PSMD14: variants seen among roughly 807,000 people sequenced by gnomAD.
The protein encoded by PSMD14 is ubiquitin C-terminal hydrolase PSMD14.
A neutral mutation model predicts 41.2 loss-of-function variants in PSMD14; 7 were observed. The observed-to-expected ratio is 0.17, with a 90% confidence interval of 0.10 to 0.32. The LOEUF (loss-of-function observed/expected upper bound fraction) is 0.32. Ranked by LOEUF, PSMD14 falls within the 10% of genes least tolerant of loss-of-function variation. The pLI is 1.00. For synonymous variants in PSMD14, 114 were observed against 122.3 expected, an observed-to-expected ratio of 0.93 and a Z score of 0.45; for missense variants, 139 against 375.6, an observed-to-expected ratio of 0.37 and a Z score of 5.21.
chr2:161,403,934 G>A (rs902287296), intron 10 of PSMD14, among the ~76,000 whole-genome samples: 6 of 151,276 alleles, frequency 4.0e-5, no homozygotes, highest in African/African-American at 1.5e-4. Flanking sequence ...AAGGGACCAG[G>A]TCTTGCTCTG....
chr2:161,309,789 A>G (rs896084175), intron 1 of PSMD14, among the ~76,000 whole-genome samples: 2 of 152,018 alleles, frequency 1.3e-5, no homozygotes, highest in Non-Finnish European at 2.9e-5. Context: ...TTGATGCTTC[A>G]CCTGTTGACT....
At chr2:161,338,115 T>C (rs1682894299) in intron 3 of PSMD14, among the ~76,000 whole-genome samples, 1 of 152,228 alleles carries the variant, frequency 6.6e-6, no homozygotes, top group Admixed American at 6.5e-5. Flanking sequence ...GATGAAGGTC[T>C]CCAAGCACAT....
intron 3 of PSMD14, among the ~76,000 whole-genome samples, chr2:161,343,879 A>G (rs372942616): frequency 1.3e-5 from 2 of 152,100 alleles, no homozygotes; most frequent in East Asian, 1.9e-4. Flanking sequence ...TTTTGGGTAT[A>G]TAGGTAGCCC....
chr2:161,371,226 T>C lies in PSMD14; in HGVS notation c.366T>C (p.Leu122=). The C allele has an allele frequency of 1.2e-6, 2 of 1,612,768 alleles. No individual in the cohort carries two copies. Among genetic ancestry groups the C allele is most frequent in the African/African-American group, 1.3e-5 (1 of 75,002 alleles). Residue 122 remains leucine, a synonymous_variant, in exon 7 of 12, where the codon CTT becomes CTC. Transcript: ENST00000409682. ...YHSHPGFGCW[L]SGVDINTQQS... The stretch of plus-strand genomic sequence containing the variant: ...GTCACCCTGGCTTTGGTTGTTGGCT[T>C]TCTGGTGTGGATATCAACACTCAGC...
intron 10 of PSMD14, among the ~76,000 whole-genome samples, chr2:161,399,137 T>G (rs558894871): frequency 6.6e-6 from 1 of 152,234 alleles, no homozygotes; most frequent in South Asian, 2.1e-4. Flanking sequence ...GTGTATGACC[T>G]TTGTGAAGAA....
At chr2:161,340,565 T>C (rs1682937322) in intron 3 of PSMD14, among the ~76,000 whole-genome samples, 1 of 152,096 alleles carries the variant, frequency 6.6e-6, no homozygotes, top group Non-Finnish European at 1.5e-5. Context: ...TTAAAACTCT[T>C]CAGCTTAACA....
At chr2:161,340,824 G>T in intron 3 of PSMD14, 1 of 1,613,982 alleles carries the variant, frequency 6.2e-7, no homozygotes, top group Non-Finnish European at 8.5e-7. Context: ...TTATTCTTCA[G>T]TTCTCTGCTC....
chr2:161,399,988 A>G (rs1574142476), intron 10 of PSMD14, among the ~76,000 whole-genome samples: 1 of 152,168 alleles, frequency 6.6e-6, no homozygotes, highest in South Asian at 2.1e-4. Flanking sequence ...TTTCAAAAGT[A>G]TCTCTATCTT....
Position 161,329,110 on chromosome 2 carries a change from G to C in PSMD14, c.48+10237G>C, listed in dbSNP as rs534790485. Among the ~76,000 whole-genome samples the C allele has an allele frequency of 2.4e-4, 37 of 152,240 alleles. No homozygotes were observed. The South Asian group carries it at 5.8e-3, about 24-fold the overall frequency. ...AGGGCCCTGTAGAAAATTCTCTTCT[G>C]AGTGAGTTGGGAAGCTATTAGAGAT... On this transcript the variant is annotated intron_variant, in intron 3 of 11. Transcript: ENST00000409682.
At chr2:161,383,057 T>C (rs916513907) in intron 7 of PSMD14, 1 of 151,556 alleles carries the variant, frequency 6.6e-6, no homozygotes, top group Non-Finnish European at 1.5e-5. Flanking sequence ...TTTTTTTTTT[T>C]AATCTTACGG....
chr2:161,310,906 A>C (rs1293135087), intron 1 of PSMD14, among the ~76,000 whole-genome samples: 4 of 152,206 alleles, frequency 2.6e-5, no homozygotes, highest in Admixed American at 1.3e-4. Flanking sequence ...CCGATAGATT[A>C]TAAATTCTCT....
chr2:161,345,365 C>T (rs1683026066), intron 3 of PSMD14, among the ~76,000 whole-genome samples: 1 of 151,464 alleles, frequency 6.6e-6, no homozygotes, highest in Non-Finnish European at 1.5e-5. Flanking sequence ...ACCTCACCCT[C>T]CTGAGTAGCT....
intron 3 of PSMD14, among the ~76,000 whole-genome samples, chr2:161,356,837 T>C (rs1683206226): frequency 6.6e-6 from 1 of 151,810 alleles, no homozygotes; most frequent in Non-Finnish European, 1.5e-5. Context: ...TTTAGATATT[T>C]TTGGAATGTT....
intron 3 of PSMD14, among the ~76,000 whole-genome samples, chr2:161,326,560 C>A (rs1417280387): frequency 6.6e-6 from 1 of 152,032 alleles, no homozygotes; most frequent in Non-Finnish European, 1.5e-5. Flanking sequence ...GGGTATGTGC[C>A]CAAAATAATT....
Position 161,323,196 on chromosome 2 carries a change from A to C in PSMD14, c.48+4323A>C, listed in dbSNP as rs370564892. ...CTGTACTGGAATTTTTTAAACTGCC[A>C]AGTCTATTGGCCTATTTTTAGTTCT... On this transcript the variant is annotated intron_variant, in intron 3 of 11. Transcript: ENST00000409682. 3.6e-3 allele frequency among the ~76,000 whole-genome samples: 555 copies of C among 152,322 alleles called. 4 individuals carry two copies. Among genetic ancestry groups the C allele is most frequent in the Non-Finnish European group, 6.8e-3 (461 of 68,034 alleles).
At chr2:161,410,140 G>T (rs1334743106) in intron 11 of PSMD14, among the ~76,000 whole-genome samples, 1 of 152,052 alleles carries the variant, frequency 6.6e-6, no homozygotes, top group Non-Finnish European at 1.5e-5. Flanking sequence ...TTGGCCTACT[G>T]CATGGCAAAA....
chr2:161,346,371 G>C (rs1683042196), intron 3 of PSMD14, among the ~76,000 whole-genome samples: 1 of 151,452 alleles, frequency 6.6e-6, no homozygotes, highest in African/African-American at 2.4e-5. Context: ...GTTTTATTTG[G>C]GTCATTTTTA....
At chr2:161,348,827 A>C (rs1683080090) in intron 3 of PSMD14, among the ~76,000 whole-genome samples, 1 of 152,260 alleles carries the variant, frequency 6.6e-6, no homozygotes, top group South Asian at 2.1e-4. Context: ...GGCTGGGTGT[A>C]GTGAACTATT....
Position 161,313,952 on chromosome 2 carries a change from C to T in PSMD14, c.-137-2485C>T, listed in dbSNP as rs145406439. Among the ~76,000 whole-genome samples, 819 of 152,266 alleles carry T rather than the reference C, an allele frequency of 5.4e-3. 3 individuals are homozygous for T. The highest frequency in any genetic ancestry group is 8.5e-3 in the Non-Finnish European group (577 of 68,030). On this transcript the variant is annotated intron_variant, in intron 1 of 11. Transcript: ENST00000409682. The stretch of plus-strand genomic sequence containing the variant: ...ACAGTTTAGTGGCATTAAGTATATT[C>T]ACAGTGTTATGTAACTGTCACCACC...
Sources: allele counts gnomAD v4.1 joint callset (sites outside exome capture counted in the v4.1 genomes callset), GRCh38; gene constraint gnomAD v4.1.1; transcripts MANE v1.5; gene names NCBI Gene and HGNC (gene_info 2026-07-23, HGNC 2026-07-21).